Variants in GPC5 observed in about 807,000 individuals in gnomAD.
GPC5 encodes the protein glypican 5.
GPC5 carries 47 observed loss-of-function variants against 53.9 expected under a neutral mutation model. The ratio of observed to expected loss-of-function variants is 0.87; its 90% CI spans 0.69 to 1.11. GPC5 has a LOEUF of 1.11. Among genes scored for constraint, GPC5 ranks in the 50% most tolerant of loss-of-function variants. GPC5 has a pLI of 0.00. For synonymous variants in GPC5, 286 were observed against 263.3 expected, an observed-to-expected ratio of 1.09 and a Z score of -0.84; for missense variants, 748 against 713.1, an observed-to-expected ratio of 1.05 and a Z score of -0.56.
At chr13:92,078,955 T>G (rs1235660413) in intron 6 of GPC5, among the ~76,000 whole-genome samples, 1 of 152,200 alleles carries the variant, frequency 6.6e-6, no homozygotes, top group African/African-American at 2.4e-5. Flanking sequence ...ACCTCAGAGC[T>G]CTGTGCAGTG....
intron 2 of GPC5, among the ~76,000 whole-genome samples, chr13:91,484,937 G>T (rs1374287571): frequency 6.6e-6 from 1 of 152,192 alleles, no homozygotes; most frequent in Non-Finnish European, 1.5e-5. Flanking sequence ...CACAATCAGT[G>T]AACATTGCTG....
chr13:91,865,485 G>A (rs1594626916), intron 5 of GPC5, among the ~76,000 whole-genome samples: 1 of 152,214 alleles, frequency 6.6e-6, no homozygotes, highest in East Asian at 1.9e-4. Flanking sequence ...GAGAGGTGAA[G>A]AAGAGCTAAA....
intron 7 of GPC5, among the ~76,000 whole-genome samples, chr13:92,206,464 A>G (rs1225412138): frequency 6.6e-6 from 1 of 151,378 alleles, no homozygotes; most frequent in African/African-American, 2.4e-5. Context: ...CGGTGGCTGG[A>G]ATGCAGCCAC....
intron 7 of GPC5, among the ~76,000 whole-genome samples, chr13:92,473,003 CA>C (rs1254723220): frequency 2.6e-5 from 4 of 151,974 alleles, no homozygotes; most frequent in Non-Finnish European, 5.9e-5. Context: ...TGATCTAAAA[CA>C]TTAATAACCA....
intron 7 of GPC5, among the ~76,000 whole-genome samples, chr13:92,735,176 T>A: frequency 6.6e-6 from 1 of 151,960 alleles, no homozygotes; most frequent in Non-Finnish European, 1.5e-5. Context: ...AGCTTTGATT[T>A]TTCTCATTGG....
chr13:92,436,033 T>G (rs1371065185), intron 7 of GPC5, among the ~76,000 whole-genome samples: 1 of 152,148 alleles, frequency 6.6e-6, no homozygotes, highest in South Asian at 2.1e-4. Flanking sequence ...ATTGAGTAAA[T>G]TAACATCTTA....
At chr13:92,475,193 T>G (rs1245063218) in intron 7 of GPC5, among the ~76,000 whole-genome samples, 2 of 151,472 alleles carry the variant, frequency 1.3e-5, no homozygotes, top group Non-Finnish European at 2.9e-5. Flanking sequence ...GGGCTCTTTT[T>G]TGGTTCCATA....
At position 92,567,493 on chromosome 13, in the gene GPC5, G is replaced by T. The variant is rs566311924; in HGVS notation, c.1562-298789G>T. Among the ~76,000 whole-genome samples, 36 of 152,238 alleles carry T rather than the reference G, an allele frequency of 2.4e-4. No individual in the cohort carries two copies. The South Asian group carries it at 7.2e-3, about 31-fold the overall frequency. Reference sequence around the variant, plus strand: ...TCAAGTGGAATTAAGGTTAAAAATGGCATGAATGCTGTGAATCAACTGATG... The same window carrying T: ...TCAAGTGGAATTAAGGTTAAAAATGTCATGAATGCTGTGAATCAACTGATG... On this transcript the variant is annotated intron_variant, in intron 7 of 7. Coordinates refer to ENST00000377067, the MANE Select transcript of GPC5 (RefSeq NM_004466.6).
chr13:92,099,974 C>T (rs2041452472), intron 6 of GPC5, among the ~76,000 whole-genome samples: 1 of 152,068 alleles, frequency 6.6e-6, no homozygotes, highest in Non-Finnish European at 1.5e-5. Context: ...TCGTGCTGAC[C>T]ATAAAGAAGC....
intron 2 of GPC5, among the ~76,000 whole-genome samples, chr13:91,508,289 T>G (rs1041419747): frequency 1.3e-5 from 2 of 152,176 alleles, no homozygotes; most frequent in Non-Finnish European, 2.9e-5. Flanking sequence ...AATGGAGGTA[T>G]TGAGAGCAAA....
intron 4 of GPC5, among the ~76,000 whole-genome samples, chr13:91,731,883 A>G (rs1260457026): frequency 6.6e-6 from 1 of 152,172 alleles, no homozygotes; most frequent in Admixed American, 6.5e-5. Context: ...ATGGCTGCAT[A>G]GTATTCCATG....
intron 7 of GPC5, among the ~76,000 whole-genome samples, chr13:92,506,951 A>T (rs1049776804): frequency 6.6e-6 from 1 of 152,164 alleles, no homozygotes; most frequent in African/African-American, 2.4e-5. Flanking sequence ...ATTTCCACTT[A>T]GTCTGTGCCT....
intron 2 of GPC5, among the ~76,000 whole-genome samples, chr13:91,517,608 A>T (rs865989491): frequency 2.0e-5 from 3 of 152,188 alleles, no homozygotes; most frequent in South Asian, 4.1e-4. Flanking sequence ...CCTGTTACCC[A>T]GTTCCAAATT....
At chr13:91,995,916 G>T (rs1011538801) in intron 6 of GPC5, 1 of 152,094 alleles carries the variant, frequency 6.6e-6, no homozygotes, top group Admixed American at 6.5e-5. Flanking sequence ...AAGAACCTAG[G>T]TTCCATGTGA....
In GPC5 at chr13:92,622,661, C is replaced by T. The variant is rs1316230274; in HGVS notation, c.1562-243621C>T. 2.0e-5 allele frequency among the ~76,000 whole-genome samples: 3 copies of T among 151,874 alleles called. No individual in the cohort carries two copies. In the East Asian group the frequency reaches 5.8e-4, roughly 29 times the overall value. On this transcript the variant is annotated intron_variant, in intron 7 of 7. Coordinates refer to ENST00000377067, the MANE Select transcript of GPC5 (RefSeq NM_004466.6). ...TCCACTGTAGTCTTGAACTCTTGGGCTCAGGCAGTCCTCCTTCCTTAGTCT... is the reference window on the plus strand; with the variant it reads ...TCCACTGTAGTCTTGAACTCTTGGGTTCAGGCAGTCCTCCTTCCTTAGTCT...
chr13:92,206,058 A>AC (rs1421943233), intron 7 of GPC5, among the ~76,000 whole-genome samples: 26 of 151,582 alleles, frequency 1.7e-4, no homozygotes, highest in African/African-American at 6.3e-4. Flanking sequence ...AAAAAAAAAA[A>AC]AAAAACCCAA....
intron 7 of GPC5, among the ~76,000 whole-genome samples, chr13:92,823,168 A>C (rs1877730317): frequency 6.6e-6 from 1 of 152,186 alleles, no homozygotes; most frequent in Non-Finnish European, 1.5e-5. Flanking sequence ...ACTGAAAAGT[A>C]AAGAATTAAA....
intron 7 of GPC5, among the ~76,000 whole-genome samples, chr13:92,557,606 CTA>C (rs965171093): frequency 7.9e-5 from 12 of 152,084 alleles, no homozygotes; most frequent in East Asian, 7.8e-4. Context: ...GCTAAAAACT[CTA>C]TGTTTTCCTC....
At chr13:92,792,865 C>T (rs1018096618) in intron 7 of GPC5, among the ~76,000 whole-genome samples, 17 of 152,022 alleles carry the variant, frequency 1.1e-4, no homozygotes, top group East Asian at 1.9e-4. Flanking sequence ...ACCAATACTG[C>T]GGCACCCAGA....
Sources: allele counts gnomAD v4.1 joint callset (sites outside exome capture counted in the v4.1 genomes callset), GRCh38; gene constraint gnomAD v4.1.1; transcripts MANE v1.5; gene names NCBI Gene and HGNC (gene_info 2026-07-23, HGNC 2026-07-21).